Variants in TMC7 observed in about 807,000 individuals in gnomAD.
TMC7 encodes transmembrane channel-like protein 7.
In TMC7, 54 loss-of-function variants were observed where a neutral mutation model predicts 82.9. The observed-to-expected ratio is 0.65, with a 90% CI of 0.52 to 0.82. TMC7 has a LOEUF of 0.82. Ranked by LOEUF, TMC7 falls within the 40% of genes least tolerant of loss-of-function variation. The pLI, the probability that TMC7 is intolerant of heterozygous loss-of-function variation, is 0.00. For missense variants in TMC7, 820 were observed against 901.2 expected (o/e 0.91, Z 1.15); for synonymous variants, 350 against 337.9 (o/e 1.04, Z -0.39).
chr16:19,051,823 G>C lies in TMC7; in HGVS notation c.1871+7G>C. On this transcript the variant is annotated splice_region_variant and intron_variant, in intron 13 of 15. Coordinates refer to ENST00000304381, the MANE Select transcript of TMC7 (RefSeq NM_024847.4). The stretch of plus-strand genomic sequence containing the variant: ...TGACAATCAGCATATCACGGTAAAT[G>C]TGACTTTGTTTTCTAGAACATTTCA... 1 of 1,613,726 alleles carries C rather than the reference G, an allele frequency of 6.2e-7. No individual in the cohort carries two copies. The highest frequency in any genetic ancestry group is 8.5e-7 in the Non-Finnish European group (1 of 1,179,814).
intron 1 of TMC7, among the ~76,000 whole-genome samples, chr16:18,992,347 GTGA>G (rs1175425376): frequency 6.6e-6 from 1 of 152,184 alleles, no homozygotes; most frequent in African/African-American, 2.4e-5. Flanking sequence ...CTGATGGCCA[GTGA>G]TGATGAGCAT....
intron 8 of TMC7, 109 bp from the exon 9 acceptor site, chr16:19,040,180 A>G (rs1333230214): frequency 1.1e-6 from 1 of 906,310 alleles, no homozygotes; most frequent in Non-Finnish European, 1.7e-6. Context: ...TTGAATGACA[A>G]ATACGTTTTG....
At position 18,984,034 on chromosome 16, in the gene TMC7, G is replaced by C. The variant is rs2038796647; in HGVS notation, c.-30G>C. ...GCGGCGGCGGCTGGAGAGGGTCCTC[G>C]GCAGCCTCTGAGGAGCGCGGGGCGC... On this transcript the variant is annotated 5_prime_UTR_variant, in exon 1 of 16. Coordinates refer to ENST00000304381, the MANE Select transcript of TMC7 (RefSeq NM_024847.4). The C allele has an allele frequency of 4.2e-6, 6 of 1,445,366 alleles. No individual in the cohort carries two copies. The highest frequency in any genetic ancestry group is 2.8e-5 in the South Asian group (2 of 72,706). 89.5% of individuals were successfully genotyped at this position (1,445,366 alleles called of 1,614,324 possible).
At chr16:19,007,167 G>A (rs1230333271) in intron 1 of TMC7, among the ~76,000 whole-genome samples, 1 of 152,016 alleles carries the variant, frequency 6.6e-6, no homozygotes, top group Non-Finnish European at 1.5e-5. Flanking sequence ...CTTGGTTCTT[G>A]CAGTCACCCA....
At chr16:19,034,723 A>G (rs2142249734) in intron 6 of TMC7, among the ~76,000 whole-genome samples, 2 of 152,190 alleles carry the variant, frequency 1.3e-5, no homozygotes, top group Middle Eastern at 3.4e-3. Flanking sequence ...AACCTGAAGG[A>G]TGGGAAGGAG....
intron 5 of TMC7, among the ~76,000 whole-genome samples, chr16:19,023,411 C>T (rs193046522): frequency 3.3e-5 from 5 of 152,208 alleles, no homozygotes; most frequent in Admixed American, 6.6e-5. Context: ...TTATCACTTT[C>T]GGCCATTGGC....
At position 19,057,972 on chromosome 16, in the gene TMC7, T is replaced by G. The variant is rs868096575; in HGVS notation, c.2027+1275T>G. On this transcript the variant is annotated intron_variant, in intron 14 of 15. Coordinates refer to ENST00000304381, the MANE Select transcript of TMC7 (RefSeq NM_024847.4). ...ATTTTTTTTTTTTTTTAGGAGACAG[T>G]GTCTTGCTATGTTGCCCAGGTGGGT... is the stretch of plus-strand genomic sequence containing the variant. Among the ~76,000 whole-genome samples the G allele has an allele frequency of 4.0e-5, 6 of 149,704 alleles. No homozygotes were observed. The South Asian group carries it at 6.4e-4, about 16-fold the overall frequency.
At position 19,035,836 on chromosome 16, in the gene TMC7, G is replaced by A; in HGVS notation, c.1005+13G>A. ...GTACGAGCTCCGAGTGAGTGCTCCT[G>A]AGTTTGTCCGTGGTGGGGTCCTCAC... On this transcript the variant is annotated intron_variant, in intron 7 of 15. Coordinates refer to ENST00000304381, the MANE Select transcript of TMC7 (RefSeq NM_024847.4). The A allele has an allele frequency of 6.4e-7, 1 of 1,558,642 alleles. No homozygotes were observed. The highest frequency in any genetic ancestry group is 1.4e-5 in the African/African-American group (1 of 73,422).
At chr16:19,005,189 C>T (rs1036236792) in intron 1 of TMC7, among the ~76,000 whole-genome samples, 6 of 151,930 alleles carry the variant, frequency 3.9e-5, no homozygotes, top group East Asian at 1.9e-4. Context: ...CCTGGGTTCA[C>T]GCCATTCTTC....
intron 1 of TMC7, among the ~76,000 whole-genome samples, chr16:19,007,894 A>T (rs6497314): frequency 0.3 from 45,835 of 151,616 alleles, 7,159 homozygotes; most frequent in Non-Finnish European, 0.33. Flanking sequence ...TGAGTAGGGC[A>T]CTTGCCTTGT....
At chr16:19,005,638 G>C (rs1312097982) in intron 1 of TMC7, among the ~76,000 whole-genome samples, 1 of 152,162 alleles carries the variant, frequency 6.6e-6, no homozygotes, top group African/African-American at 2.4e-5. Flanking sequence ...TGGGGCCCCT[G>C]ACCCCACAGC....
intron 1 of TMC7, among the ~76,000 whole-genome samples, chr16:18,984,969 C>T (rs2038818536): frequency 6.6e-6 from 1 of 152,196 alleles, no homozygotes; most frequent in South Asian, 2.1e-4. Flanking sequence ...TTACTGAAAC[C>T]AAGGATGTAG....
chr16:19,003,125 G>A (rs1000950250), intron 1 of TMC7, among the ~76,000 whole-genome samples: 1 of 152,056 alleles, frequency 6.6e-6, no homozygotes, highest in Non-Finnish European at 1.5e-5. Flanking sequence ...GAGCCCAGGA[G>A]TTTGAGACCA....
In TMC7 at chr16:18,984,476, A is replaced by G. The variant is rs1596704285; in HGVS notation, c.67+346A>G. 7.3e-6 allele frequency: 8 copies of G among 1,099,300 alleles called. No individual in the cohort carries two copies. The African/African-American group carries it at 9.9e-5, about 14-fold the overall frequency. 68.1% of individuals were successfully genotyped at this position (1,099,300 alleles called of 1,614,324 possible). The stretch of plus-strand genomic sequence containing the variant: ...TTTGAGCACCCCCTCCACGCCTAAC[A>G]TTCTGGTATGAGGTGCCTGCCTCCC... On this transcript the variant is annotated intron_variant, in intron 1 of 15. Transcript: ENST00000304381.
At position 19,021,741 on chromosome 16, in the gene TMC7, C is replaced by T. The variant is rs766783127; in HGVS notation, c.573C>T (p.Leu191=). The change falls in exon 4 of 16, where the codon CTC becomes CTT. Residue 191 remains leucine (L), a synonymous_variant. Coordinates refer to ENST00000304381, the MANE Select transcript of TMC7 (RefSeq NM_024847.4). Reference sequence around the variant, plus strand: ...TGCTGGTTTTGCTCCCAGTCTTACTCACGAAATACAAGATCACCAACAGCA... The same window carrying T: ...TGCTGGTTTTGCTCCCAGTCTTACTTACGAAATACAAGATCACCAACAGCA... ...IFMLVLLPVL[L]TKYKITNSSF... The T allele has an allele frequency of 5.6e-6, 9 of 1,614,116 alleles. No homozygotes were observed. The Admixed American group carries it at 1.0e-4, about 18-fold the overall frequency.
chr16:18,984,457 C>T, intron 1 of TMC7: 6 of 1,139,762 alleles, frequency 5.3e-6, no homozygotes, highest in Non-Finnish European at 6.5e-6. Context: ...AGGATTTGAG[C>T]ACCCCCTCCA....
chr16:19,016,923 C>T (rs1364410646), intron 3 of TMC7, among the ~76,000 whole-genome samples: 2 of 152,220 alleles, frequency 1.3e-5, no homozygotes, highest in Non-Finnish European at 2.9e-5. Context: ...CAGTGGCTCA[C>T]TCCTGTAATC....
At chr16:19,053,894 G>T (rs1425298409) in intron 13 of TMC7, among the ~76,000 whole-genome samples, 1 of 144,962 alleles carries the variant, frequency 6.9e-6, no homozygotes, top group Non-Finnish European at 1.5e-5. Context: ...TGTTGCCCAG[G>T]CTAGTCTTGA....
chr16:19,044,816 C>G, intron 9 of TMC7, 68 bp from the exon 10 acceptor site: 1 of 1,071,526 alleles, frequency 9.3e-7, no homozygotes, highest in Non-Finnish European at 1.4e-6. Flanking sequence ...ATTCCCTAGC[C>G]CCAGTTCCAA....
Sources: allele counts gnomAD v4.1 joint callset (sites outside exome capture counted in the v4.1 genomes callset), GRCh38; gene constraint gnomAD v4.1.1; transcripts MANE v1.5; gene names NCBI Gene and HGNC (gene_info 2026-07-23, HGNC 2026-07-21).